Variants in RARB observed in about 807,000 individuals in gnomAD.
RARB encodes retinoic acid receptor beta, also known as HBV-activated protein.
A neutral mutation model predicts 51.9 loss-of-function variants in RARB; 17 were observed. The observed-to-expected ratio is 0.33, with a 90% CI of 0.22 to 0.49. RARB has a LOEUF of 0.49. Among genes scored for constraint, RARB ranks in the 20% least tolerant of loss-of-function variants. The pLI is 0.99. For missense variants in RARB, 369 were observed against 550.8 expected (o/e 0.67, Z 3.30); for synonymous variants, 215 against 195.4 (o/e 1.10, Z -0.84).
intron 2 of RARB, among the ~76,000 whole-genome samples, chr3:24,877,719 G>C (rs976974089): frequency 1.3e-5 from 2 of 152,034 alleles, no homozygotes; most frequent in Non-Finnish European, 2.9e-5. Flanking sequence ...CTCTCAGAAG[G>C]GAGATCAGAG....
intron 2 of RARB, among the ~76,000 whole-genome samples, chr3:24,994,614 G>A (rs1559426315): frequency 6.6e-6 from 1 of 151,958 alleles, no homozygotes; most frequent in Non-Finnish European, 1.5e-5. Flanking sequence ...TCCTCTAATA[G>A]TTTTATTGTT....
At chr3:25,285,829 C>A (rs937341556) in intron 5 of RARB, among the ~76,000 whole-genome samples, 1 of 152,150 alleles carries the variant, frequency 6.6e-6, no homozygotes, top group Non-Finnish European at 1.5e-5. Flanking sequence ...CCATTTTAGA[C>A]AATTGAGCAT....
intron 3 of RARB, among the ~76,000 whole-genome samples, chr3:25,506,453 T>A (rs999071808): frequency 4.0e-5 from 6 of 151,616 alleles, no homozygotes; most frequent in Non-Finnish European, 5.9e-5. Flanking sequence ...AAAATTTTTT[T>A]AAAAATTAGC....
At chr3:25,331,852 G>A (rs536138465) in intron 5 of RARB, among the ~76,000 whole-genome samples, 50 of 152,166 alleles carry the variant, frequency 3.3e-4, no homozygotes, top group Admixed American at 1.4e-3. Context: ...TATCACCACC[G>A]ATCCCACAGA....
intron 3 of RARB, among the ~76,000 whole-genome samples, chr3:25,528,468 C>G (rs1446845391): frequency 1.3e-5 from 2 of 152,138 alleles, no homozygotes; most frequent in South Asian, 2.1e-4. Flanking sequence ...CAGCCATCCT[C>G]TGATTGTTGA....
chr3:25,135,797 A>C (rs1033037308), intron 4 of RARB, among the ~76,000 whole-genome samples: 1 of 152,036 alleles, frequency 6.6e-6, no homozygotes, highest in Admixed American at 6.6e-5. Context: ...CTATAAGGAC[A>C]TATCAATCAG....
chr3:25,106,310 C>T (rs1444125426), intron 3 of RARB, among the ~76,000 whole-genome samples: 1 of 74,760 alleles, frequency 1.3e-5, no homozygotes, highest in Non-Finnish European at 2.7e-5. Flanking sequence ...CAGAGTCTCA[C>T]TGTCACCCAG....
At chr3:25,322,502 C>T (rs1190146854) in intron 5 of RARB, among the ~76,000 whole-genome samples, 1 of 152,152 alleles carries the variant, frequency 6.6e-6, no homozygotes, top group African/African-American at 2.4e-5. Context: ...CACATTGGCA[C>T]ACATATATAA....
chr3:24,970,574 A>AAC (rs60292267), intron 2 of RARB, among the ~76,000 whole-genome samples: 2,988 of 148,856 alleles, frequency 0.02, 63 homozygotes, highest in African/African-American at 0.053. Flanking sequence ...AAGTCATGTA[A>AAC]ACACACACAC....
chr3:25,385,245 C>T (rs1180792755), intron 5 of RARB, among the ~76,000 whole-genome samples: 4 of 152,086 alleles, frequency 2.6e-5, no homozygotes, highest in Non-Finnish European at 4.4e-5. Context: ...GTCTATTTGC[C>T]AAAGATCCAC....
At chr3:24,920,276 G>A (rs1489896886) in intron 2 of RARB, among the ~76,000 whole-genome samples, 1 of 152,124 alleles carries the variant, frequency 6.6e-6, no homozygotes, top group Non-Finnish European at 1.5e-5. Flanking sequence ...AATGGAAATC[G>A]TGTTAATCCT....
At chr3:25,441,647 T>C (rs538276632) in intron 1 of RARB, 1 of 152,534 alleles carries the variant, frequency 6.6e-6, no homozygotes, top group South Asian at 2.1e-4. Flanking sequence ...CCCGATATTT[T>C]ATGAATTTTT....
chr3:24,914,210 G>T (rs1237058426), intron 2 of RARB, among the ~76,000 whole-genome samples: 1 of 152,156 alleles, frequency 6.6e-6, no homozygotes, highest in African/African-American at 2.4e-5. Flanking sequence ...AATTTGTCCA[G>T]CACCCCTAGT....
chr3:25,529,286 T>C (rs1698793403), intron 3 of RARB, among the ~76,000 whole-genome samples: 1 of 152,078 alleles, frequency 6.6e-6, no homozygotes, highest in Non-Finnish European at 1.5e-5. Context: ...GAAAAATGTG[T>C]ACAAGAATGT....
chr3:25,569,614 G>T (rs1408494121), intron 3 of RARB, 144 bp from the exon 4 acceptor site: 12 of 935,108 alleles, frequency 1.3e-5, no homozygotes, highest in Non-Finnish European at 4.8e-6. Context: ...TTTCCAGGGA[G>T]GTGTGTTATT....
intron 5 of RARB, among the ~76,000 whole-genome samples, chr3:25,399,882 G>T (rs1707218144): frequency 6.6e-6 from 1 of 152,142 alleles, no homozygotes; most frequent in Non-Finnish European, 1.5e-5. Flanking sequence ...TTGAGTTAGG[G>T]TCTCTGCTGA....
At chr3:25,246,795 G>C (rs570618781) in intron 5 of RARB, among the ~76,000 whole-genome samples, 10 of 152,168 alleles carry the variant, frequency 6.6e-5, no homozygotes, top group Admixed American at 6.5e-5. Context: ...GGAGGCACAG[G>C]GTTTGGAGAC....
intron 5 of RARB, among the ~76,000 whole-genome samples, chr3:25,410,577 T>G (rs1200586428): frequency 2.0e-5 from 3 of 152,228 alleles, no homozygotes; most frequent in Non-Finnish European, 4.4e-5. Context: ...CTTTTTTGCT[T>G]AATTTGCCTT....
At chr3:24,900,723 G>T (rs758025823) in intron 2 of RARB, among the ~76,000 whole-genome samples, 1 of 152,150 alleles carries the variant, frequency 6.6e-6, no homozygotes, top group African/African-American at 2.4e-5. Context: ...ATGCATTTAG[G>T]CACAACTTTA....
Sources: gnomAD v4.1 joint callset for allele counts (sites outside exome capture counted in the v4.1 genomes callset) on GRCh38, gnomAD v4.1.1 for gene constraint, MANE v1.5 for transcripts, NCBI Gene and HGNC (gene_info 2026-07-23, HGNC 2026-07-21) for gene names.